The following EPHA4 variants were observed in gnomAD, a reference collection of about 807,000 sequenced individuals.
EPHA4 encodes EPH receptor A4, also known as ephrin type-A receptor 4.
Under a neutral mutation model 108.3 loss-of-function variants are expected in EPHA4, and 19 were observed. The ratio of observed to expected loss-of-function variants is 0.18; its 90% CI spans 0.12 to 0.26. The LOEUF (loss-of-function observed/expected upper bound fraction) is 0.26. Ranked by LOEUF, EPHA4 falls within the 10% of genes least tolerant of loss-of-function variation. The pLI, the probability that EPHA4 is intolerant of heterozygous loss-of-function variation, is 1.00. For synonymous variants in EPHA4, 449 were observed against 455.5 expected (o/e 0.99, Z 0.18); for missense variants, 917 against 1,254.0 (o/e 0.73, Z 4.06).
At position 221,503,320 on chromosome 2, in the gene EPHA4, C is replaced by G. The variant is rs572818841; in HGVS notation, c.824-2148G>C. On this transcript the variant is annotated intron_variant, in intron 3 of 17. Transcript: ENST00000281821. ...AAAACTCACAGTGGGAGTGGAAGAT[C>G]GACAAGGACAAGAAACTGTCCAGTG... 7.9e-5 allele frequency among the ~76,000 whole-genome samples: 12 copies of G among 152,288 alleles called. No homozygotes were observed. The East Asian group carries it at 2.3e-3, about 29-fold the overall frequency.
At chr2:221,481,122 T>C (rs1559259581) in intron 5 of EPHA4, among the ~76,000 whole-genome samples, 1 of 152,148 alleles carries the variant, frequency 6.6e-6, no homozygotes, top group African/African-American at 2.4e-5. Flanking sequence ...GGAGGGGTGG[T>C]AACTTTTTCA....
rs190036469 is a variant in EPHA4, at chr2:221,481,515, A to G, written c.1318+837T>C. On this transcript the variant is annotated intron_variant, in intron 5 of 17. Transcript: ENST00000281821. Reference sequence around the variant, plus strand: ...AAATACAAATAAAAATTAGCCAGGTATGGTGGCACCCGCCTGTAGTCCCAG... The same window carrying G: ...AAATACAAATAAAAATTAGCCAGGTGTGGTGGCACCCGCCTGTAGTCCCAG... Among the ~76,000 whole-genome samples, 385 of 152,160 alleles carry G rather than the reference A, an allele frequency of 2.5e-3. 3 individuals are homozygous for G. The highest frequency in any genetic ancestry group is 8.7e-3 in the African/African-American group (363 of 41,524).
chr2:221,502,512 A>G (rs1476620042), intron 3 of EPHA4: 1 of 471,192 alleles, frequency 2.1e-6, no homozygotes, highest in South Asian at 1.5e-5. Flanking sequence ...CCATGCAGCA[A>G]CGCAGCAGAT....
chr2:221,463,318 A>G (rs927219162), intron 5 of EPHA4, among the ~76,000 whole-genome samples: 18 of 152,222 alleles, frequency 1.2e-4, no homozygotes, highest in Admixed American at 1.2e-3. Context: ...TTTCCAATAG[A>G]GGTCCAAGAT....
At chr2:221,532,281 C>T (rs1380175859) in intron 3 of EPHA4, among the ~76,000 whole-genome samples, 3 of 151,988 alleles carry the variant, frequency 2.0e-5, no homozygotes, top group Non-Finnish European at 4.4e-5. Flanking sequence ...TGCTGCCATG[C>T]GTGGCTAATT....
chr2:221,527,955 G>C (rs1468990339), intron 3 of EPHA4, among the ~76,000 whole-genome samples: 1 of 152,056 alleles, frequency 6.6e-6, no homozygotes, highest in Non-Finnish European at 1.5e-5. Flanking sequence ...CAGAGACAAA[G>C]ACATTCTTTC....
chr2:221,465,981 C>T (rs1188949368), intron 5 of EPHA4, among the ~76,000 whole-genome samples: 2 of 152,148 alleles, frequency 1.3e-5, no homozygotes, highest in Admixed American at 1.3e-4. Context: ...TCCTGAAAGG[C>T]CTTTGGGTTC....
intron 3 of EPHA4, among the ~76,000 whole-genome samples, chr2:221,511,382 C>G (rs1275674015): frequency 2.3e-4 from 34 of 147,740 alleles, no homozygotes; most frequent in Admixed American, 2.2e-3. Context: ...AGCCATGCTT[C>G]AACCTCTCAT....
At position 221,418,839 on chromosome 2, in the gene EPHA4, C is replaced by T. The variant is rs907428458; in HGVS notation, c.*2533G>A. 3.9e-5 allele frequency: 6 copies of T among 152,588 alleles called. No individual in the cohort carries two copies. Among genetic ancestry groups the T allele is most frequent in the African/African-American group, 1.4e-4 (6 of 41,424 alleles). The allele number at this position is 152,588 out of a possible 1,614,324, so 9.5% of individuals were successfully genotyped here. On this transcript the variant is annotated 3_prime_UTR_variant, in exon 18 of 18. Coordinates refer to ENST00000281821, the MANE Select transcript of EPHA4 (RefSeq NM_004438.5). ...CCTTACCTCTGGAAAAGATGAACTG[C>T]TCAGAAGAGTCAACCTCATTTCTTT... is the stretch of plus-strand genomic sequence containing the variant.
intron 3 of EPHA4, among the ~76,000 whole-genome samples, chr2:221,553,376 A>C (rs989975548): frequency 1.3e-5 from 2 of 152,256 alleles, no homozygotes; most frequent in African/African-American, 4.8e-5. Context: ...TGAAGTCTTA[A>C]ATCAGGGAAG....
At chr2:221,541,447 G>T (rs1693836242) in intron 3 of EPHA4, among the ~76,000 whole-genome samples, 1 of 152,166 alleles carries the variant, frequency 6.6e-6, no homozygotes, top group Non-Finnish European at 1.5e-5. Flanking sequence ...TAAGGGAAGG[G>T]AATGGCAAGA....
At chr2:221,539,158 C>A (rs1014317386) in intron 3 of EPHA4, among the ~76,000 whole-genome samples, 31 of 152,234 alleles carry the variant, frequency 2.0e-4, no homozygotes, top group African/African-American at 7.5e-4. Flanking sequence ...TAGGAGTAAG[C>A]GCTAATATTG....
chr2:221,536,545 C>T (rs2680851), intron 3 of EPHA4, among the ~76,000 whole-genome samples: 89,305 of 151,988 alleles, frequency 0.59, 27,466 homozygotes, highest in African/African-American at 0.78. Context: ...AGACAGAGGC[C>T]ATAAGGAGGT....
chr2:221,571,815 C>T lies in EPHA4; in HGVS notation c.91+343G>A, dbSNP rs13030136. On this transcript the variant is annotated intron_variant, in intron 1 of 17. Coordinates refer to ENST00000281821, the MANE Select transcript of EPHA4 (RefSeq NM_004438.5). This position sits in a 1 kb window ranked among gnomAD's most constrained non-coding sequence, Gnocchi z 6.3. ...CGCCCCGGGCTGGCTCAGGAGAGGACGTGGTTCTTGTAATTTTTTTTTTAA... is the reference window on the plus strand; with the variant it reads ...CGCCCCGGGCTGGCTCAGGAGAGGATGTGGTTCTTGTAATTTTTTTTTTAA... 0.15 allele frequency among the ~76,000 whole-genome samples: 22,270 copies of T among 152,212 alleles called. 2,144 individuals are homozygous for T. The highest frequency in any genetic ancestry group is 0.47 in the East Asian group (2,412 of 5,136).
chr2:221,441,197 C>CTTT (rs201795751), intron 11 of EPHA4, among the ~76,000 whole-genome samples: 1 of 132,100 alleles, frequency 7.6e-6, no homozygotes, highest in African/African-American at 2.8e-5. Context: ...CTTTTCTTTT[C>CTTT]TTTTTTTTTT....
chr2:221,467,677 C>T (rs1193511165), intron 5 of EPHA4, among the ~76,000 whole-genome samples: 1 of 152,140 alleles, frequency 6.6e-6, no homozygotes, highest in Non-Finnish European at 1.5e-5. Flanking sequence ...CAACTGGAAA[C>T]CAAGGCCCAT....
At chr2:221,544,861 G>A (rs1482576605) in intron 3 of EPHA4, among the ~76,000 whole-genome samples, 3 of 152,076 alleles carry the variant, frequency 2.0e-5, no homozygotes, top group South Asian at 2.1e-4. Context: ...TTGCTCTCTC[G>A]ACTCTACCCT....
In EPHA4 at chr2:221,425,986, G is replaced by T. The variant is rs758150708; in HGVS notation, c.*42C>A. The T allele has an allele frequency of 2.0e-6, 3 of 1,535,470 alleles. No homozygotes were observed. The highest frequency in any genetic ancestry group is 2.7e-6 in the Non-Finnish European group (3 of 1,108,980). The stretch of plus-strand genomic sequence containing the variant: ...TTCTTCAATTAAAGTGCATGGATGA[G>T]GTAAACTAATTTCAAGAGTTTTGAG... On this transcript the variant is annotated 3_prime_UTR_variant, in exon 17 of 18. Transcript: ENST00000281821.
chr2:221,491,722 T>C (rs188791492), intron 4 of EPHA4, among the ~76,000 whole-genome samples: 12 of 152,302 alleles, frequency 7.9e-5, no homozygotes, highest in Admixed American at 7.8e-4. Context: ...GCCTTGTTCC[T>C]ACCTTCTGTG....
Sources: gnomAD v4.1 joint callset for allele counts (sites outside exome capture counted in the v4.1 genomes callset) on GRCh38, gnomAD v4.1.1 for gene constraint, Gnocchi (gnomAD v3.1) non-coding constraint, MANE v1.5 for transcripts, NCBI Gene and HGNC (gene_info 2026-07-23, HGNC 2026-07-21) for gene names.